The following SLC8A2 variants were observed in gnomAD, a reference collection of about 807,000 sequenced individuals.
SLC8A2 encodes the protein sodium/calcium exchanger 2.
In SLC8A2, 14 loss-of-function variants were observed where a neutral mutation model predicts 70.2. The observed-to-expected ratio is 0.20, with a 90% confidence interval of 0.13 to 0.31. The LOEUF (loss-of-function observed/expected upper bound fraction) is 0.31. Among genes scored for constraint, SLC8A2 ranks in the 10% least tolerant of loss-of-function variants. The probability of loss-of-function intolerance (pLI) is 1.00; values close to 1 mark genes in which losing one functional copy is unlikely to be tolerated. For missense variants in SLC8A2, 779 were observed against 1,320.1 expected (o/e 0.59, Z 6.35); for synonymous variants, 575 against 594.3 (o/e 0.97, Z 0.47).
chr19:47,455,756 T>C (rs1967296307), intron 3 of SLC8A2, among the ~76,000 whole-genome samples: 1 of 152,204 alleles, frequency 6.6e-6, no homozygotes, highest in South Asian at 2.1e-4. Context: ...CTATCTTGGT[T>C]ATTGTTCTAG....
Position 47,465,987 on chromosome 19 carries a change from G to T in SLC8A2, c.417C>A (p.Ser139=). The change falls in exon 2 of 10, where the codon TCC becomes TCA. Residue 139 remains serine (S), a synonymous_variant. Transcript: ENST00000236877. The surrounding 1 kb of genome is among the most constrained non-coding windows in gnomAD (Gnocchi z 5.5). The part of the protein sequence containing the change: ...SNLTLMALGS[S]APEILLSVIE... Reference sequence around the variant, plus strand: ...TGACTGACAGCAGGATCTCAGGTGCGGAGGAGCCCAGGGCCATGAGCGTGA... The same window carrying T: ...TGACTGACAGCAGGATCTCAGGTGCTGAGGAGCCCAGGGCCATGAGCGTGA... 1 of 1,614,090 alleles carries T rather than the reference G, an allele frequency of 6.2e-7. No homozygotes were observed. The highest frequency in any genetic ancestry group is 1.1e-5 in the South Asian group (1 of 91,080).
At chr19:47,456,557 T>C (rs1263097945) in intron 3 of SLC8A2, among the ~76,000 whole-genome samples, 1 of 152,032 alleles carries the variant, frequency 6.6e-6, no homozygotes, top group African/African-American at 2.4e-5. Flanking sequence ...TCCCAGCAAC[T>C]CAAGAGGCTG....
chr19:47,452,257 C>T (rs1458229121), intron 3 of SLC8A2, among the ~76,000 whole-genome samples: 2 of 152,032 alleles, frequency 1.3e-5, no homozygotes, highest in Non-Finnish European at 2.9e-5. Flanking sequence ...CTCTGTCATC[C>T]AGGCTGGAGT....
intron 8 of SLC8A2, among the ~76,000 whole-genome samples, chr19:47,435,762 G>A (rs1249636347): frequency 3.9e-5 from 6 of 151,986 alleles, no homozygotes; most frequent in Non-Finnish European, 5.9e-5. Context: ...TGGTCAGGCT[G>A]GTCTCGAACT....
At position 47,466,397 on chromosome 19, in the gene SLC8A2, G is replaced by A. The variant is rs1176175399; in HGVS notation, c.7C>T (p.Pro3Ser). The A allele has an allele frequency of 1.4e-6, 2 of 1,404,776 alleles. No homozygotes were observed. Among genetic ancestry groups the A allele is most frequent in the Admixed American group, 5.7e-5 (2 of 35,054 alleles). 87.0% of individuals were successfully genotyped at this position (1,404,776 alleles called of 1,614,324 possible). MA[P>S]LALVGVTLLL... The stretch of plus-strand genomic sequence containing the variant: ...AGTGTGACCCCCACCAAGGCCAGGG[G>A]AGCCATGGGGGGTGGTGGGGTCCTA... Residue 3 changes from proline to serine, a missense_variant, in exon 2 of 10, where the codon CCC becomes TCC. Pro to Ser is a moderately conservative substitution (Grantham distance 74). Around this residue, in one of 6 missense-constraint regions of SLC8A2, gnomAD observed 65 missense variants for 61.3 expected, o/e 1.06. Coordinates refer to ENST00000236877, the MANE Select transcript of SLC8A2 (RefSeq NM_015063.3). This position sits in a 1 kb window ranked among gnomAD's most constrained non-coding sequence, Gnocchi z 6.9.
At chr19:47,462,296 C>T (rs900705104) in intron 2 of SLC8A2, among the ~76,000 whole-genome samples, 2 of 151,946 alleles carry the variant, frequency 1.3e-5, no homozygotes, top group Admixed American at 1.3e-4. Context: ...CAGAGTTTCG[C>T]TCTTGTTGCC....
rs543794480 is a variant in SLC8A2 at position 47,466,930 on chromosome 19, G to C, written c.-16-511C>G. 2.6e-5 allele frequency among the ~76,000 whole-genome samples: 4 copies of C among 152,126 alleles called. No individual in the cohort carries two copies. The highest frequency in any genetic ancestry group is 9.7e-5 in the African/African-American group (4 of 41,422). On this transcript the variant is annotated intron_variant, in intron 1 of 9. Coordinates refer to ENST00000236877, the MANE Select transcript of SLC8A2 (RefSeq NM_015063.3). The surrounding 1 kb of genome is among the most constrained non-coding windows in gnomAD (Gnocchi z 6.9). ...AAATTAGCTGGGCAGGGTGGCGGGAGCCTGTAACCCCAGCTACTCGGGAGG... is the reference window on the plus strand; with the variant it reads ...AAATTAGCTGGGCAGGGTGGCGGGACCCTGTAACCCCAGCTACTCGGGAGG...
intron 4 of SLC8A2, among the ~76,000 whole-genome samples, chr19:47,443,587 C>G (rs893335653): frequency 6.6e-6 from 1 of 152,224 alleles, no homozygotes; most frequent in African/African-American, 2.4e-5. Context: ...GGACCAGATG[C>G]CCGTCAGTTA....
Position 47,457,140 on chromosome 19 carries a change from C to A in SLC8A2, c.1130G>T (p.Arg377Leu). ...VLRRHAADAS[R>L]RAAPAEGAGE... The stretch of plus-strand genomic sequence containing the variant: ...CGCGCCCTCGGCCGGCGCCGCCCTG[C>A]GCGAGGCGTCCGCCGCGTGTCTGCG... Residue 377 changes from arginine to leucine, a missense_variant, in exon 3 of 10, where the codon CGC becomes CTC. Physicochemically the swap from Arg to Leu is moderately radical, Grantham distance 102. Transcript: ENST00000236877. 1 of 1,542,422 alleles carries A rather than the reference C, an allele frequency of 6.5e-7. No individual in the cohort carries two copies. The highest frequency in any genetic ancestry group is 8.7e-7 in the Non-Finnish European group (1 of 1,144,076).
chr19:47,446,145 G>C (rs1161258382), intron 4 of SLC8A2, among the ~76,000 whole-genome samples: 1 of 152,202 alleles, frequency 6.6e-6, no homozygotes, highest in Non-Finnish European at 1.5e-5. Context: ...CAGAGGCTGG[G>C]AGGAGGAGGG....
At chr19:47,459,531 CGT>C (rs66923007) in intron 2 of SLC8A2, among the ~76,000 whole-genome samples, 126 of 151,808 alleles carry the variant, frequency 8.3e-4, no homozygotes, top group African/African-American at 2.4e-3. Flanking sequence ...CGTGCGTGCG[CGT>C]GTGTGCGCAT....
At chr19:47,431,931 C>T (rs898590981) in intron 9 of SLC8A2, among the ~76,000 whole-genome samples, 1 of 152,100 alleles carries the variant, frequency 6.6e-6, no homozygotes, top group Admixed American at 6.6e-5. Context: ...CTAGCATTTC[C>T]TGCTACCTTA....
chr19:47,432,034 C>T lies in SLC8A2; in HGVS notation c.2389+133G>A. On this transcript the variant is annotated intron_variant, in intron 9 of 9. Transcript: ENST00000236877. This position sits in a 1 kb window ranked among gnomAD's most constrained non-coding sequence, Gnocchi z 6.2. ...CCGCTGCCTGGCTTCTATTATGCCC[C>T]ACCTCCGTATTTCTCTGAGACCCAC... is the stretch of plus-strand genomic sequence containing the variant. The T allele has an allele frequency of 1.2e-6, 1 of 813,246 alleles. No homozygotes were observed. The highest frequency in any genetic ancestry group is 2.2e-5 in the South Asian group (1 of 45,544). The allele number at this position is 813,246 out of a possible 1,614,324, so 50.4% of individuals were successfully genotyped here. A position where few individuals can be genotyped will look rare whatever the true frequency, so the allele number is the denominator to read the frequency against.
Position 47,444,573 on chromosome 19 carries a change from C to G in SLC8A2, c.1764-3133G>C, listed in dbSNP as rs1967137183. Among the ~76,000 whole-genome samples, 3 of 152,330 alleles carry G rather than the reference C, an allele frequency of 2.0e-5. No individual in the cohort carries two copies. In the South Asian group the frequency reaches 6.2e-4, roughly 32 times the overall value. On this transcript the variant is annotated intron_variant, in intron 4 of 9. Transcript: ENST00000236877. Reference sequence around the variant, plus strand: ...CCTCACACACCCTGACACACACAGACAGCTGCCGACACAGTGACATGCTGA... The same window carrying G: ...CCTCACACACCCTGACACACACAGAGAGCTGCCGACACAGTGACATGCTGA...
At chr19:47,467,894 C>T (rs1467146824) in intron 1 of SLC8A2, among the ~76,000 whole-genome samples, 1 of 148,698 alleles carries the variant, frequency 6.7e-6, no homozygotes, top group Non-Finnish European at 1.5e-5. Flanking sequence ...ATAATCTCAG[C>T]ACTTGGGAGG....
chr19:47,448,334 C>G lies in SLC8A2; in HGVS notation c.1341-103G>C, dbSNP rs1568443529. ...GTGCTTCCCAGAGGAGACGTAGGTGCCATAGAAGAACTCCCAAGTATGAGG... is the reference window on the plus strand; with the variant it reads ...GTGCTTCCCAGAGGAGACGTAGGTGGCATAGAAGAACTCCCAAGTATGAGG... On this transcript the variant is annotated intron_variant, in intron 3 of 9. Transcript: ENST00000236877. The surrounding 1 kb of genome is among the most constrained non-coding windows in gnomAD (Gnocchi z 4.8). 1.5e-5 allele frequency: 13 copies of G among 841,944 alleles called. No homozygotes were observed. Among genetic ancestry groups the G allele is most frequent in the Non-Finnish European group, 2.4e-5 (13 of 547,184 alleles). The allele number at this position is 841,944 out of a possible 1,614,324, so 52.2% of individuals were successfully genotyped here.
intron 1 of SLC8A2, among the ~76,000 whole-genome samples, chr19:47,467,373 T>G (rs1967476564): frequency 6.6e-6 from 1 of 152,212 alleles, no homozygotes; most frequent in Non-Finnish European, 1.5e-5. Context: ...TTGAAAGCTC[T>G]TGCTCAGGAT....
Position 47,466,409 on chromosome 19 carries a change from G to C in SLC8A2, c.-6C>G, listed in dbSNP as rs1463521278. On this transcript the variant is annotated 5_prime_UTR_variant, in exon 2 of 10. Coordinates refer to ENST00000236877, the MANE Select transcript of SLC8A2 (RefSeq NM_015063.3). This position sits in a 1 kb window ranked among gnomAD's most constrained non-coding sequence, Gnocchi z 6.9. ...ACCAAGGCCAGGGGAGCCATGGGGG[G>C]TGGTGGGGTCCTATGGGGGAGGAGG... is the stretch of plus-strand genomic sequence containing the variant. The C allele has an allele frequency of 1.5e-6, 2 of 1,329,336 alleles. No homozygotes were observed. Among genetic ancestry groups the C allele is most frequent in the Non-Finnish European group, 2.0e-6 (2 of 1,002,196 alleles). The allele number at this position is 1,329,336 out of a possible 1,614,324, so 82.3% of individuals were successfully genotyped here. A position where few individuals can be genotyped will look rare whatever the true frequency, so the allele number is the denominator to read the frequency against.
At chr19:47,435,308 C>T (rs1022898641) in intron 8 of SLC8A2, among the ~76,000 whole-genome samples, 24 of 152,132 alleles carry the variant, frequency 1.6e-4, no homozygotes, top group African/African-American at 4.1e-4. Context: ...TCCTCCACCC[C>T]GATCTAATCA....
Sources: allele counts gnomAD v4.1 joint callset (sites outside exome capture counted in the v4.1 genomes callset), GRCh38; gene constraint gnomAD v4.1.1; regional missense constraint gnomAD v4.1.1; non-coding constraint Gnocchi (gnomAD v3.1); transcripts MANE v1.5; gene names NCBI Gene and HGNC (gene_info 2026-07-23, HGNC 2026-07-21).